Variants in LMTK2 observed in about 807,000 individuals in gnomAD.
The protein encoded by LMTK2 is lemur tail kinase 2.
In LMTK2, 37 loss-of-function variants were observed where a neutral mutation model predicts 127.5. The ratio of observed to expected loss-of-function variants is 0.29; its 90% CI spans 0.22 to 0.38. The LOEUF is 0.38. LMTK2 is among the 10% of genes least tolerant of loss of function. The pLI, the probability that LMTK2 is intolerant of heterozygous loss-of-function variation, is 1.00. For synonymous variants in LMTK2, 819 were observed against 810.1 expected, an observed-to-expected ratio of 1.01 and a Z score of -0.19; for missense variants, 1,694 against 1,920.3, an observed-to-expected ratio of 0.88 and a Z score of 2.20.
chr7:98,178,799 A>G (rs1797311133), intron 7 of LMTK2, among the ~76,000 whole-genome samples: 1 of 152,182 alleles, frequency 6.6e-6, no homozygotes, highest in Non-Finnish European at 1.5e-5. Context: ...AAAACATTTC[A>G]TGTATTTTTC....
intron 3 of LMTK2, among the ~76,000 whole-genome samples, chr7:98,141,822 A>G (rs937285785): frequency 5.9e-5 from 9 of 152,100 alleles, no homozygotes; most frequent in Non-Finnish European, 1.2e-4. Flanking sequence ...TCTGTTCTGG[A>G]GGTGGTTTCT....
chr7:98,168,694 G>A (rs996426878), intron 6 of LMTK2, among the ~76,000 whole-genome samples: 1 of 152,120 alleles, frequency 6.6e-6, no homozygotes, highest in Non-Finnish European at 1.5e-5. Flanking sequence ...ATTGAGGAGC[G>A]GGCTTGCGAG....
chr7:98,174,038 A>G (rs1056262859), intron 7 of LMTK2, among the ~76,000 whole-genome samples: 1 of 151,772 alleles, frequency 6.6e-6, no homozygotes, highest in African/African-American at 2.4e-5. Flanking sequence ...TCTGGGTGAC[A>G]GAGCGAGATT....
intron 2 of LMTK2, 40 bp downstream of exon 2, chr7:98,137,482 A>G (rs545090000): frequency 5.0e-6 from 8 of 1,585,426 alleles, no homozygotes; most frequent in African/African-American, 2.7e-5. Context: ...TGGTCTTCCA[A>G]TATGTTTTTC....
chr7:98,176,961 A>G (rs1266778347), intron 7 of LMTK2, among the ~76,000 whole-genome samples: 2 of 152,210 alleles, frequency 1.3e-5, no homozygotes, highest in African/African-American at 4.8e-5. Context: ...GCAGGCACAG[A>G]CAGGTATACT....
chr7:98,112,324 A>G (rs886245570), intron 1 of LMTK2, among the ~76,000 whole-genome samples: 7 of 152,234 alleles, frequency 4.6e-5, no homozygotes, highest in East Asian at 3.9e-4. Context: ...CAGCCTCCCA[A>G]AGTGCTGGGG....
intron 1 of LMTK2, among the ~76,000 whole-genome samples, chr7:98,137,082 C>T (rs11974741): frequency 4.8e-4 from 73 of 152,316 alleles, no homozygotes; most frequent in African/African-American, 1.7e-3. Context: ...TTAGTGGAAG[C>T]TGGGTGAAGG....
At chr7:98,198,518 G>T (rs907719147) in intron 11 of LMTK2, among the ~76,000 whole-genome samples, 1 of 151,770 alleles carries the variant, frequency 6.6e-6, no homozygotes, top group African/African-American at 2.4e-5. Context: ...ACTGGGTCTC[G>T]CTCTGTCGCC....
chr7:98,141,452 C>G lies in LMTK2; in HGVS notation c.287C>G (p.Thr96Ser). The change falls in exon 3 of 14, where the codon ACT becomes AGT. Residue 96 changes from threonine to serine, a missense_variant. By Grantham distance (58) the Thr-to-Ser change is moderately conservative (BLOSUM62 1). Around this residue, in one of 8 missense-constraint regions of LMTK2, gnomAD observed 203 missense variants for 226.2 expected, o/e 0.90. Coordinates refer to ENST00000297293, the MANE Select transcript of LMTK2 (RefSeq NM_014916.4). ...GATTTCACACCACCAGCAGAAGACA[C>G]TCCCTCTGTTCAGTCCCCAGCAGAG... ...EIDFTPPAEDTPSVQSPAEVF... is the reference protein window; with the variant it reads ...EIDFTPPAEDSPSVQSPAEVF... The G allele has an allele frequency of 6.2e-7, 1 of 1,612,364 alleles. No homozygotes were observed. Among genetic ancestry groups the G allele is most frequent in the Non-Finnish European group, 8.5e-7 (1 of 1,178,344 alleles).
chr7:98,192,974 C>G lies in LMTK2; in HGVS notation c.2509C>G (p.Gln837Glu). 1.9e-6 allele frequency: 3 copies of G among 1,614,118 alleles called. No individual in the cohort carries two copies. Among genetic ancestry groups the G allele is most frequent in the Non-Finnish European group, 2.5e-6 (3 of 1,180,034 alleles). Residue 837 changes from glutamine (Q) to glutamate (E), a missense_variant, in exon 11 of 14, where the codon CAG (glutamine) becomes GAG (glutamate). Physicochemically the swap from Gln to Glu is conservative, Grantham distance 29. Transcript: ENST00000297293. ...GGTACCCCCAGACTCACTCCCAACA[C>G]AGGGAGAAACCCAGCCCACGTGTTT... is the stretch of plus-strand genomic sequence containing the variant. ...RRVPPDSLPT[Q>E]GETQPTCLDV...
At chr7:98,176,438 C>G (rs1797278181) in intron 7 of LMTK2, among the ~76,000 whole-genome samples, 1 of 152,150 alleles carries the variant, frequency 6.6e-6, no homozygotes, top group African/African-American at 2.4e-5. Context: ...GAGATGCCCA[C>G]TATTTCTGTT....
At chr7:98,156,123 G>A (rs1796921867) in intron 5 of LMTK2, among the ~76,000 whole-genome samples, 1 of 152,194 alleles carries the variant, frequency 6.6e-6, no homozygotes, top group Admixed American at 6.5e-5. Context: ...AAGACGTTCA[G>A]TGTCATGAGC....
rs183549602 is a variant in LMTK2, at chr7:98,183,461, T to C, written c.792-1590T>C. 1.1e-4 allele frequency among the ~76,000 whole-genome samples: 17 copies of C among 152,156 alleles called. No individual in the cohort carries two copies. In the East Asian group the frequency reaches 1.9e-3, roughly 17 times the overall value. On this transcript the variant is annotated intron_variant, in intron 7 of 13. Transcript: ENST00000297293. ...GGATTGCAGTAGTGCGATCTCGGCT[T>C]ATTGCAGCCTCCGCCTCTGGGGGTC...
At chr7:98,178,613 C>T (rs1322490136) in intron 7 of LMTK2, among the ~76,000 whole-genome samples, 1 of 152,184 alleles carries the variant, frequency 6.6e-6, no homozygotes, top group Non-Finnish European at 1.5e-5. Context: ...TGTGTGTTTG[C>T]ATTTCCTGAC....
At chr7:98,148,758 G>A (rs1036680575) in intron 3 of LMTK2, among the ~76,000 whole-genome samples, 1 of 152,188 alleles carries the variant, frequency 6.6e-6, no homozygotes, top group Non-Finnish European at 1.5e-5. Flanking sequence ...CTCTGCTGGG[G>A]CACTCCTTCA....
chr7:98,179,087 C>CAA (rs1797314183), intron 7 of LMTK2, among the ~76,000 whole-genome samples: 1 of 152,232 alleles, frequency 6.6e-6, no homozygotes, highest in Non-Finnish European at 1.5e-5. Context: ...AGAAGCATTG[C>CAA]CTTTTCCCCT....
chr7:98,165,820 A>C (rs1333484269), intron 6 of LMTK2, among the ~76,000 whole-genome samples: 1 of 152,070 alleles, frequency 6.6e-6, no homozygotes, highest in Non-Finnish European at 1.5e-5. Context: ...TAAGGAGCTC[A>C]TGTAGAGGAG....
At chr7:98,142,743 CAG>C (rs1440078367) in intron 3 of LMTK2, among the ~76,000 whole-genome samples, 4 of 152,172 alleles carry the variant, frequency 2.6e-5, no homozygotes, top group South Asian at 2.1e-4. Flanking sequence ...GTAGGAAGAA[CAG>C]GGGTTCAGCT....
At chr7:98,146,683 A>G (rs945823903) in intron 3 of LMTK2, among the ~76,000 whole-genome samples, 2 of 152,160 alleles carry the variant, frequency 1.3e-5, no homozygotes, top group Admixed American at 6.5e-5. Flanking sequence ...TGTTGTCACA[A>G]ATTACATCTT....
Sources: allele counts gnomAD v4.1 joint callset (sites outside exome capture counted in the v4.1 genomes callset), GRCh38; gene constraint gnomAD v4.1.1; regional missense constraint gnomAD v4.1.1; transcripts MANE v1.5; gene names NCBI Gene and HGNC (gene_info 2026-07-23, HGNC 2026-07-21).